The following DNAJC11 variants were observed in gnomAD, a reference collection of about 807,000 sequenced individuals.
DNAJC11 encodes DnaJ heat shock protein family (Hsp40) member C11.
In DNAJC11, 15 loss-of-function variants were observed where a neutral mutation model predicts 78.6. The ratio of observed to expected loss-of-function variants is 0.19; its 90% CI spans 0.13 to 0.29. The LOEUF (loss-of-function observed/expected upper bound fraction) is 0.29. Ranked by LOEUF, DNAJC11 falls within the 10% of genes least tolerant of loss-of-function variation. The pLI is 1.00. For synonymous variants in DNAJC11, 292 were observed against 272.1 expected (o/e 1.07, Z -0.72); for missense variants, 547 against 709.6 (o/e 0.77, Z 2.60).
At chr1:6,641,578 T>G (rs1641879671) in intron 10 of DNAJC11, among the ~76,000 whole-genome samples, 1 of 150,646 alleles carries the variant, frequency 6.6e-6, no homozygotes. Context: ...CACTCTGTCA[T>G]CTAGGCTGAG....
chr1:6,651,916 A>C (rs2294531), intron 6 of DNAJC11, among the ~76,000 whole-genome samples: 52,646 of 149,170 alleles, frequency 0.35, 9,414 homozygotes, highest in African/African-American at 0.41. Context: ...GGCTCCCCCT[A>C]CCCCTCCCGG....
chr1:6,643,488 G>C (rs543169205), intron 10 of DNAJC11, among the ~76,000 whole-genome samples: 5 of 151,980 alleles, frequency 3.3e-5, no homozygotes, highest in African/African-American at 4.8e-5. Context: ...TGTTAGCCAG[G>C]ATGGTCTCAA....
chr1:6,699,331 C>T (rs1642889028), intron 1 of DNAJC11, among the ~76,000 whole-genome samples: 4 of 152,130 alleles, frequency 2.6e-5, no homozygotes, highest in South Asian at 4.1e-4. Flanking sequence ...GGCTCCCATC[C>T]GTAAGTCCAA....
chr1:6,701,199 G>A (rs1448304838), intron 1 of DNAJC11, among the ~76,000 whole-genome samples: 2 of 152,148 alleles, frequency 1.3e-5, no homozygotes, highest in South Asian at 4.1e-4. Flanking sequence ...GGCATGAGAC[G>A]CATGCCTCTG....
At position 6,645,146 on chromosome 1, in the gene DNAJC11, AAGGATGCGTGGCT is replaced by A. The variant is rs1406431812; in HGVS notation, c.895-33_895-21del. 5 of 1,598,114 alleles carry A rather than the reference AAGGATGCGTGGCT, an allele frequency of 3.1e-6. No individual in the cohort carries two copies. The South Asian group carries it at 5.5e-5, about 18-fold the overall frequency. The stretch of plus-strand genomic sequence containing the variant: ...TCCCAGCTGGGGAGACAGAGGGTGC[AAGGATGCGTGGCT>A]AGGGCGTGTGACTCTGTGGGGAGAT... On this transcript the variant is annotated intron_variant, in intron 8 of 15. Coordinates refer to ENST00000377577, the MANE Select transcript of DNAJC11 (RefSeq NM_018198.4). This position sits in a 1 kb window ranked among gnomAD's most constrained non-coding sequence, Gnocchi z 4.1.
At chr1:6,654,894 G>A (rs896596882) in intron 4 of DNAJC11, among the ~76,000 whole-genome samples, 1 of 151,986 alleles carries the variant, frequency 6.6e-6, no homozygotes, top group African/African-American at 2.4e-5. Context: ...CGCCTCCTGG[G>A]TTCAAGCGAT....
At chr1:6,683,990 C>T (rs1642594624) in intron 1 of DNAJC11, among the ~76,000 whole-genome samples, 1 of 152,050 alleles carries the variant, frequency 6.6e-6, no homozygotes, top group Non-Finnish European at 1.5e-5. Context: ...AAACATAAAT[C>T]ATGGGAAAAT....
chr1:6,656,706 C>CT (rs1642131736), intron 4 of DNAJC11, among the ~76,000 whole-genome samples: 3 of 140,234 alleles, frequency 2.1e-5, no homozygotes, highest in South Asian at 2.3e-4. Flanking sequence ...TGTTGAGACT[C>CT]TGTCTCCACA....
intron 12 of DNAJC11, 92 bp downstream of exon 12, chr1:6,638,203 G>C: frequency 7.8e-7 from 1 of 1,288,432 alleles, no homozygotes; most frequent in Non-Finnish European, 1.1e-6. Flanking sequence ...TTGGAGAAGA[G>C]AAGTCTGACC....
chr1:6,651,075 G>T (rs760381079), intron 7 of DNAJC11: 1 of 534,252 alleles, frequency 1.9e-6, no homozygotes, highest in Admixed American at 1.9e-5. Flanking sequence ...TACAGTTCTA[G>T]GAGTGTGACA....
intron 15 of DNAJC11, 139 bp downstream of exon 15, chr1:6,635,978 G>T: frequency 5.5e-6 from 7 of 1,277,370 alleles, no homozygotes; most frequent in Non-Finnish European, 7.4e-6. Flanking sequence ...GTGAATCATG[G>T]GTCAAGGGCT....
intron 1 of DNAJC11, among the ~76,000 whole-genome samples, chr1:6,696,617 C>A (rs1218744505): frequency 6.6e-6 from 1 of 152,136 alleles, no homozygotes; most frequent in Non-Finnish European, 1.5e-5. Flanking sequence ...TACCCTGTAC[C>A]AGAGAAGGAA....
At chr1:6,654,134 A>G in intron 4 of DNAJC11, 95 bp from the exon 5 acceptor site, 1 of 1,486,312 alleles carries the variant, frequency 6.7e-7, no homozygotes, top group Non-Finnish European at 9.2e-7. Context: ...TTAATTGAAC[A>G]AGTCATTTGA....
chr1:6,650,901 C>T (rs1342046453), intron 7 of DNAJC11: 11 of 330,464 alleles, frequency 3.3e-5, no homozygotes, highest in South Asian at 1.6e-4. Context: ...ATAAAATAAA[C>T]TCCATGTGCT....
At chr1:6,667,535 A>G (rs1162184131) in intron 4 of DNAJC11, among the ~76,000 whole-genome samples, 174 bp downstream of exon 4, 2 of 152,188 alleles carry the variant, frequency 1.3e-5, no homozygotes, top group African/African-American at 4.8e-5. Context: ...GATGGCTACC[A>G]GGGAGGTGTT....
rs1238310961 is a variant in DNAJC11, at chr1:6,639,905, T to C, written c.1250A>G (p.Glu417Gly). Residue 417 changes from glutamate (E) to glycine (G), a missense_variant, in exon 11 of 16, where the codon GAG (glutamate) becomes GGG (glycine). Transcript: ENST00000377577. ...TGCCCATGACGTGTCAACTCACTTC[T>C]CTTTCTGAGCCCTGAGGTATGGTTT... ...IIKPYLRAQK[E>G]KELEKQRESA... 1 of 1,612,608 alleles carries C rather than the reference T, an allele frequency of 6.2e-7. No homozygotes were observed. Among genetic ancestry groups the C allele is most frequent in the Non-Finnish European group, 8.5e-7 (1 of 1,179,596 alleles).
Position 6,645,005 on chromosome 1 carries a change from C to A in DNAJC11, c.980+36G>T. On this transcript the variant is annotated intron_variant, in intron 9 of 15. Transcript: ENST00000377577. This position sits in a 1 kb window ranked among gnomAD's most constrained non-coding sequence, Gnocchi z 4.1. The stretch of plus-strand genomic sequence containing the variant: ...CCACTGTGAAGACCCGCATGCAGTA[C>A]CAGTGTGCTTCCATTTTAGCCAGGC... 1 of 1,584,738 alleles carries A rather than the reference C, an allele frequency of 6.3e-7. No homozygotes were observed. The highest frequency in any genetic ancestry group is 1.1e-5 in the South Asian group (1 of 90,292).
intron 4 of DNAJC11, among the ~76,000 whole-genome samples, chr1:6,658,217 C>T (rs1044317712): frequency 2.6e-5 from 4 of 152,098 alleles, no homozygotes; most frequent in African/African-American, 7.2e-5. Context: ...ATACCTGAAG[C>T]GTCTAATGAA....
intron 4 of DNAJC11, among the ~76,000 whole-genome samples, chr1:6,657,342 C>T (rs1041561195): frequency 6.6e-6 from 1 of 152,168 alleles, no homozygotes; most frequent in Non-Finnish European, 1.5e-5. Context: ...CCTAGAGAGA[C>T]AGCGATGCCA....
Sources: allele counts gnomAD v4.1 joint callset (sites outside exome capture counted in the v4.1 genomes callset), GRCh38; gene constraint gnomAD v4.1.1; non-coding constraint Gnocchi (gnomAD v3.1); transcripts MANE v1.5; gene names NCBI Gene and HGNC (gene_info 2026-07-23, HGNC 2026-07-21).